Variants in SRBD1 observed in about 807,000 individuals in gnomAD.
SRBD1 encodes S1 RNA binding domain 1.
In SRBD1, 88 loss-of-function variants were observed where a neutral mutation model predicts 115.3. That is an observed-to-expected ratio of 0.76 (90% confidence interval 0.64 to 0.91). The LOEUF is 0.91. SRBD1 is among the 40% of genes least tolerant of loss of function. The pLI is 0.00. For synonymous variants in SRBD1, 509 were observed against 407.7 expected (o/e 1.25, Z -2.99); for missense variants, 1,385 against 1,177.4 (o/e 1.18, Z -2.58).
intron 7 of SRBD1, among the ~76,000 whole-genome samples, chr2:45,577,245 A>G (rs1290097915): frequency 6.6e-6 from 1 of 152,236 alleles, no homozygotes; most frequent in Non-Finnish European, 1.5e-5. Context: ...ATTTAAAAGG[A>G]AAGTCTTCTG....
At chr2:45,402,265 A>C in intron 19 of SRBD1, among the ~76,000 whole-genome samples, 1 of 152,184 alleles carries the variant, frequency 6.6e-6, no homozygotes, top group Middle Eastern at 3.2e-3. Context: ...ACAAGTTTTT[A>C]GTAAATTAAA....
rs762530867 is a variant in SRBD1 at position 45,599,802 on chromosome 2, C to G, written c.295G>C (p.Glu99Gln). Residue 99 changes from glutamate to glutamine, a missense_variant, in exon 4 of 21, where the codon GAA (glutamate) becomes CAA (glutamine). Glu to Gln is a conservative substitution (Grantham distance 29). Coordinates refer to ENST00000263736, the MANE Select transcript of SRBD1 (RefSeq NM_018079.5). The part of the protein sequence containing the change: ...SSVAIADTAL[E>Q]DRKNKLDTVQ... ...GTATCCAATTTATTTTTTCTGTCTT[C>G]TAAAGCAGTATCAGCAATAGCCACA... The G allele has an allele frequency of 6.2e-7, 1 of 1,613,562 alleles. No individual in the cohort carries two copies. Among genetic ancestry groups the G allele is most frequent in the East Asian group, 2.2e-5 (1 of 44,878 alleles).
chr2:45,501,549 G>T (rs1047824943), intron 14 of SRBD1, among the ~76,000 whole-genome samples: 1 of 152,184 alleles, frequency 6.6e-6, no homozygotes, highest in African/African-American at 2.4e-5. Flanking sequence ...GCCAAGGGAA[G>T]CTGTGACAGA....
At chr2:45,497,285 A>C (rs1473581475) in intron 14 of SRBD1, among the ~76,000 whole-genome samples, 2 of 152,230 alleles carry the variant, frequency 1.3e-5, no homozygotes, top group Non-Finnish European at 2.9e-5. Context: ...AAGAACATGA[A>C]AGGCCAGTTT....
intron 16 of SRBD1, among the ~76,000 whole-genome samples, chr2:45,430,122 G>A (rs867936586): frequency 2.6e-5 from 4 of 151,892 alleles, no homozygotes; most frequent in East Asian, 3.9e-4. Context: ...AAACCACTGC[G>A]CAAGGAAAAA....
rs956644985 is a variant in SRBD1, at chr2:45,507,935, A to AAAAT, written c.1875-19608_1875-19605dup. Among the ~76,000 whole-genome samples the AAAAT allele has an allele frequency of 4.6e-5, 7 of 152,068 alleles. 1 individual carries two copies. Among genetic ancestry groups the AAAAT allele is most frequent in the Admixed American group, 3.3e-4 (5 of 15,262 alleles). The stretch of plus-strand genomic sequence containing the variant: ...TCATAAGTGGCAGAAAAAAAGAACC[A>AAAAT]AAATAAATAAATAAATAAATGAACA... On this transcript the variant is annotated intron_variant, in intron 14 of 20. Transcript: ENST00000263736.
intron 14 of SRBD1, among the ~76,000 whole-genome samples, chr2:45,545,315 A>AAAAATAAATAAAAAAC (rs1209226372): frequency 8.1e-6 from 1 of 123,574 alleles, no homozygotes; most frequent in Non-Finnish European, 1.8e-5. Context: ...AAAAAAAAAA[A>AAAAATAAATAAAAAAC]CAGATGAACC....
chr2:45,604,754 C>A (rs1389356018), intron 2 of SRBD1, among the ~76,000 whole-genome samples: 1 of 152,202 alleles, frequency 6.6e-6, no homozygotes, highest in Non-Finnish European at 1.5e-5. Context: ...TGCCCCCCGA[C>A]TGCAACCACT....
chr2:45,589,651 T>C (rs1410438077), intron 4 of SRBD1, among the ~76,000 whole-genome samples: 3 of 152,304 alleles, frequency 2.0e-5, no homozygotes, highest in Non-Finnish European at 4.4e-5. Flanking sequence ...TCATGTATGT[T>C]ATGGGAGTGT....
chr2:45,477,842 A>T (rs1669849320), intron 15 of SRBD1, among the ~76,000 whole-genome samples: 1 of 152,164 alleles, frequency 6.6e-6, no homozygotes, highest in South Asian at 2.1e-4. Context: ...TTGTCTCTTA[A>T]CACACCATAG....
intron 19 of SRBD1, among the ~76,000 whole-genome samples, chr2:45,403,512 T>C (rs190588647): frequency 1.3e-5 from 2 of 152,258 alleles, no homozygotes; most frequent in Admixed American, 1.3e-4. Context: ...GTGCAAGGGA[T>C]AGAGAGGTAA....
At chr2:45,610,087 C>T (rs1211466882) in intron 1 of SRBD1, among the ~76,000 whole-genome samples, 1 of 152,184 alleles carries the variant, frequency 6.6e-6, no homozygotes, top group Non-Finnish European at 1.5e-5. Context: ...TATTCCTATT[C>T]TTCAGTGACT....
intron 16 of SRBD1, among the ~76,000 whole-genome samples, chr2:45,465,459 A>C (rs1187915249): frequency 3.3e-5 from 5 of 152,124 alleles, no homozygotes; most frequent in Admixed American, 6.5e-5. Flanking sequence ...TGACAGTCAA[A>C]ATTCTGATGG....
At chr2:45,554,183 G>C (rs898994872) in intron 10 of SRBD1, among the ~76,000 whole-genome samples, 12 of 152,166 alleles carry the variant, frequency 7.9e-5, no homozygotes, top group African/African-American at 2.7e-4. Context: ...CTGATAAGAA[G>C]AGATAACAGA....
chr2:45,389,426 T>C lies in SRBD1; in HGVS notation c.2872A>G (p.Lys958Glu). 2 of 1,614,092 alleles carry C rather than the reference T, an allele frequency of 1.2e-6. No individual in the cohort carries two copies. The highest frequency in any genetic ancestry group is 1.7e-6 in the Non-Finnish European group (2 of 1,179,972). Reference protein sequence around the residue: ...IRNVTEAKLSKTKKRRSLGLG... With the variant: ...IRNVTEAKLSETKKRRSLGLG... ...CCAAGGCTTCTTCTCTTCTTTGTTT[T>C]TGAAAGTTTTGCTTCTGTTACATTT... is the stretch of plus-strand genomic sequence containing the variant. Residue 958 changes from lysine to glutamate, a missense_variant, in exon 21 of 21, where the codon AAA becomes GAA. Coordinates refer to ENST00000263736, the MANE Select transcript of SRBD1 (RefSeq NM_018079.5).
Position 45,476,981 on chromosome 2 carries a change from A to G in SRBD1, c.2049+12T>C. On this transcript the variant is annotated intron_variant, in intron 16 of 20. Coordinates refer to ENST00000263736, the MANE Select transcript of SRBD1 (RefSeq NM_018079.5). Reference sequence around the variant, plus strand: ...ATGGATTTCATAAATTAAATGATCCACATAGCTTTACCTGATACATTCCAA... The same window carrying G: ...ATGGATTTCATAAATTAAATGATCCGCATAGCTTTACCTGATACATTCCAA... 2 of 1,611,988 alleles carry G rather than the reference A, an allele frequency of 1.2e-6. No homozygotes were observed. Among genetic ancestry groups the G allele is most frequent in the Non-Finnish European group, 1.7e-6 (2 of 1,178,544 alleles).
chr2:45,534,545 T>C (rs1671709547), intron 14 of SRBD1, among the ~76,000 whole-genome samples: 1 of 151,938 alleles, frequency 6.6e-6, no homozygotes, highest in Non-Finnish European at 1.5e-5. Flanking sequence ...ATCTGGATAT[T>C]AGTTTTAATA....
intron 14 of SRBD1, among the ~76,000 whole-genome samples, chr2:45,545,815 G>A (rs1268205732): frequency 1.3e-5 from 2 of 152,152 alleles, no homozygotes; most frequent in Non-Finnish European, 2.9e-5. Flanking sequence ...GACTGACTCT[G>A]ACTACACTCT....
intron 14 of SRBD1, among the ~76,000 whole-genome samples, chr2:45,491,531 T>C (rs549159171): frequency 5.1e-4 from 78 of 152,304 alleles, no homozygotes; most frequent in African/African-American, 1.7e-3. Flanking sequence ...AGTTTAGACC[T>C]TCACCTAAAC....
Sources: allele counts gnomAD v4.1 joint callset (sites outside exome capture counted in the v4.1 genomes callset), GRCh38; gene constraint gnomAD v4.1.1; transcripts MANE v1.5; gene names NCBI Gene and HGNC (gene_info 2026-07-23, HGNC 2026-07-21).